Variants in PDGFD observed in about 807,000 individuals in gnomAD.
PDGFD encodes platelet derived growth factor D, also known as platelet-derived growth factor D.
Under a neutral mutation model 44.7 loss-of-function variants are expected in PDGFD, and 30 were observed. That is an observed-to-expected ratio of 0.67 (90% CI 0.50 to 0.91). The LOEUF (loss-of-function observed/expected upper bound fraction) is 0.91, where lower values mean the gene tolerates loss of function less well. Ranked by LOEUF, PDGFD falls within the 40% of genes least tolerant of loss-of-function variation. PDGFD has a pLI of 0.00. For synonymous variants in PDGFD, 173 were observed against 168.4 expected (o/e 1.03, Z -0.21); for missense variants, 445 against 457.8 (o/e 0.97, Z 0.25).
In PDGFD at chr11:103,912,806, C is replaced by CA. The variant is rs151187277; in HGVS notation, c.988-2988dup. ...GAAGATTTACCAAGTAAATGGAAAA[C>CA]AAAAAAAAAAAGCAGGGGTTGCAAT... is the stretch of plus-strand genomic sequence containing the variant. On this transcript the variant is annotated intron_variant, in intron 6 of 6. Coordinates refer to ENST00000393158, the MANE Select transcript of PDGFD (RefSeq NM_025208.5). Among the ~76,000 whole-genome samples the CA allele has an allele frequency of 3.7e-3, 528 of 143,448 alleles. 7 individuals carry two copies. Among genetic ancestry groups the CA allele is most frequent in the African/African-American group, 0.012 (474 of 39,174 alleles). 94.1% of individuals were successfully genotyped at this position (143,448 alleles called of 152,430 possible).
intron 1 of PDGFD, among the ~76,000 whole-genome samples, chr11:104,009,383 C>T (rs1467899367): frequency 2.0e-5 from 3 of 151,916 alleles, no homozygotes; most frequent in Non-Finnish European, 4.4e-5. Context: ...TTTAGAGTGG[C>T]AAGCTCAGCA....
intron 6 of PDGFD, among the ~76,000 whole-genome samples, chr11:103,918,933 T>C (rs981865572): frequency 6.6e-6 from 1 of 152,206 alleles, no homozygotes; most frequent in Non-Finnish European, 1.5e-5. Flanking sequence ...GAAGGAACAC[T>C]GAATTAATTA....
At chr11:103,931,009 C>G (rs531125444) in intron 5 of PDGFD, among the ~76,000 whole-genome samples, 1 of 152,114 alleles carries the variant, frequency 6.6e-6, no homozygotes, top group Non-Finnish European at 1.5e-5. Context: ...CATCTAGGAG[C>G]TGAATGGATT....
At chr11:104,149,906 G>A (rs1360085345) in intron 1 of PDGFD, among the ~76,000 whole-genome samples, 1 of 151,928 alleles carries the variant, frequency 6.6e-6, no homozygotes, top group Non-Finnish European at 1.5e-5. Flanking sequence ...TTTATTCTAG[G>A]ACCTGCTGTA....
intron 1 of PDGFD, among the ~76,000 whole-genome samples, chr11:104,157,674 G>A (rs1202115832): frequency 6.6e-6 from 1 of 152,138 alleles, no homozygotes; most frequent in Admixed American, 6.5e-5. Context: ...TCAGTCCGGA[G>A]AAGGCATGCT....
intron 1 of PDGFD, among the ~76,000 whole-genome samples, chr11:104,034,674 G>A (rs924647467): frequency 4.7e-5 from 7 of 149,106 alleles, no homozygotes; most frequent in East Asian, 3.9e-4. Context: ...ATGGAGTCTC[G>A]CTCTGTCACC....
chr11:104,129,847 A>ACAAAACCGTGCTTTTGCT (rs1861892153), intron 1 of PDGFD, among the ~76,000 whole-genome samples: 1 of 152,004 alleles, frequency 6.6e-6, no homozygotes, highest in African/African-American at 2.4e-5. Context: ...TGCTTCTATT[A>ACAAAACCGTGCTTTTGCT]AATACAAAAA....
intron 1 of PDGFD, among the ~76,000 whole-genome samples, chr11:104,048,681 T>C (rs1860480603): frequency 6.6e-6 from 1 of 152,158 alleles, no homozygotes; most frequent in African/African-American, 2.4e-5. Context: ...CAAGTACAAA[T>C]TGAGAGTATG....
intron 1 of PDGFD, among the ~76,000 whole-genome samples, chr11:104,084,637 T>A (rs896749850): frequency 1.4e-5 from 2 of 147,130 alleles, no homozygotes; most frequent in African/African-American, 4.9e-5. Context: ...ATATAATATA[T>A]AATATACAAC....
At chr11:103,952,777 A>G (rs1022351916) in intron 3 of PDGFD, among the ~76,000 whole-genome samples, 5 of 152,040 alleles carry the variant, frequency 3.3e-5, no homozygotes, top group African/African-American at 1.2e-4. Context: ...ATACCATTAA[A>G]ATAATTTATC....
At chr11:103,913,317 C>T (rs1276743210) in intron 6 of PDGFD, among the ~76,000 whole-genome samples, 3 of 152,184 alleles carry the variant, frequency 2.0e-5, no homozygotes, top group Non-Finnish European at 2.9e-5. Flanking sequence ...GACTACAGTG[C>T]AATCTATTTA....
intron 1 of PDGFD, among the ~76,000 whole-genome samples, chr11:104,137,784 C>A (rs901836397): frequency 2.2e-5 from 2 of 91,182 alleles, no homozygotes; most frequent in Non-Finnish European, 4.0e-5. Flanking sequence ...ATCTGGATTT[C>A]TCTGTCTGGA....
chr11:104,157,090 T>G (rs142408994), intron 1 of PDGFD, among the ~76,000 whole-genome samples: 1 of 152,180 alleles, frequency 6.6e-6, no homozygotes, highest in East Asian at 1.9e-4. Context: ...ACTAGACAGG[T>G]TACCTGCATA....
chr11:104,013,823 G>A (rs1245235459), intron 1 of PDGFD, among the ~76,000 whole-genome samples: 2 of 151,642 alleles, frequency 1.3e-5, no homozygotes. Flanking sequence ...CAAAATAGAT[G>A]GTCAGGATAG....
At chr11:104,006,910 C>T (rs945971279) in intron 1 of PDGFD, among the ~76,000 whole-genome samples, 2 of 152,162 alleles carry the variant, frequency 1.3e-5, no homozygotes, top group Non-Finnish European at 2.9e-5. Flanking sequence ...GGATGCCAGA[C>T]AAGGACCTGG....
chr11:103,970,255 G>T (rs548903288), intron 3 of PDGFD, among the ~76,000 whole-genome samples: 1 of 152,130 alleles, frequency 6.6e-6, no homozygotes, highest in East Asian at 1.9e-4. Flanking sequence ...ATGCAAGGTG[G>T]CTATTACAGC....
chr11:103,926,021 G>A (rs1351811117), intron 6 of PDGFD, among the ~76,000 whole-genome samples: 1 of 151,904 alleles, frequency 6.6e-6, no homozygotes, highest in African/African-American at 2.4e-5. Flanking sequence ...GAGCCACTGC[G>A]CCCGGCCTAT....
At chr11:103,927,335 A>C (rs1460609210) in intron 5 of PDGFD, among the ~76,000 whole-genome samples, 1 of 152,158 alleles carries the variant, frequency 6.6e-6, no homozygotes, top group Non-Finnish European at 1.5e-5. Context: ...ATAACAACAA[A>C]AACAAAACAA....
intron 3 of PDGFD, among the ~76,000 whole-genome samples, chr11:103,949,063 C>T (rs1033073395): frequency 3.0e-5 from 4 of 132,500 alleles, no homozygotes; most frequent in Admixed American, 9.0e-5. Context: ...TGTGCAGTGG[C>T]GTGATCTTGG....
Sources: gnomAD v4.1 joint callset for allele counts (sites outside exome capture counted in the v4.1 genomes callset) on GRCh38, gnomAD v4.1.1 for gene constraint, MANE v1.5 for transcripts, NCBI Gene and HGNC (gene_info 2026-07-23, HGNC 2026-07-21) for gene names.